PIK3CD: variants seen among roughly 807,000 people sequenced by gnomAD.
PIK3CD encodes the protein phosphatidylinositol 4,5-bisphosphate 3-kinase catalytic subunit delta isoform.
A neutral mutation model predicts 122.9 loss-of-function variants in PIK3CD; 20 were observed. That is an observed-to-expected ratio of 0.16 (90% confidence interval 0.11 to 0.24). The LOEUF is 0.24. Among genes scored for constraint, PIK3CD ranks in the 10% least tolerant of loss-of-function variants. The pLI, the probability that PIK3CD is intolerant of heterozygous loss-of-function variation, is 1.00. For synonymous variants in PIK3CD, 596 were observed against 593.4 expected (o/e 1.00, Z -0.06); for missense variants, 787 against 1,406.3 (o/e 0.56, Z 7.04).
Position 9,720,327 on chromosome 1 carries a change from C to T in PIK3CD, c.1470+85C>T. 3 of 1,502,202 alleles carry T rather than the reference C, an allele frequency of 2.0e-6. No homozygotes were observed. Among genetic ancestry groups the T allele is most frequent in the Non-Finnish European group, 2.7e-6 (3 of 1,115,880 alleles). 93.1% of individuals were successfully genotyped at this position (1,502,202 alleles called of 1,614,324 possible). A position where few individuals can be genotyped will look rare whatever the true frequency, so the allele number is the denominator to read the frequency against. On this transcript the variant is annotated intron_variant, in intron 11 of 23. Coordinates refer to ENST00000377346, the MANE Select transcript of PIK3CD (RefSeq NM_005026.5). This position sits in a 1 kb window ranked among gnomAD's most constrained non-coding sequence, Gnocchi z 9.0. The stretch of plus-strand genomic sequence containing the variant: ...CTCCTGGAGCTCTTCAGAGGGTGCT[C>T]CCTGGCCACGTCGGGGCTGGGCTAC...
intron 2 of PIK3CD, among the ~76,000 whole-genome samples, chr1:9,693,851 G>A (rs1352031702): frequency 6.6e-6 from 1 of 152,092 alleles, no homozygotes; most frequent in Non-Finnish European, 1.5e-5. Context: ...TGGGGGCTCT[G>A]GGGATGGAGT....
chr1:9,699,522 C>T (rs961119082), intron 2 of PIK3CD, among the ~76,000 whole-genome samples: 1 of 152,100 alleles, frequency 6.6e-6, no homozygotes, highest in Non-Finnish European at 1.5e-5. Context: ...TCAGACTCAC[C>T]GTCTCTCCCA....
At chr1:9,694,796 C>G (rs1646339014) in intron 2 of PIK3CD, among the ~76,000 whole-genome samples, 2 of 152,018 alleles carry the variant, frequency 1.3e-5, no homozygotes, top group Admixed American at 1.3e-4. Flanking sequence ...AATCCTCTCT[C>G]TACATAAAAT....
At position 9,686,784 on chromosome 1, in the gene PIK3CD, A is replaced by T. The variant is rs148274029; in HGVS notation, c.-137-4683A>T. Among the ~76,000 whole-genome samples the T allele has an allele frequency of 2.2e-3, 330 of 152,310 alleles. 1 individual carries two copies. The highest frequency in any genetic ancestry group is 7.6e-3 in the African/African-American group (318 of 41,580). ...AGAATCAGAGACTGGTTTTTCCTCC[A>T]TCTCTGCCACTAACTAGTTGTGCCA... On this transcript the variant is annotated intron_variant, in intron 1 of 23. Coordinates refer to ENST00000377346, the MANE Select transcript of PIK3CD (RefSeq NM_005026.5).
At chr1:9,705,454 C>T (rs779256733) in intron 2 of PIK3CD, among the ~76,000 whole-genome samples, 21 of 151,764 alleles carry the variant, frequency 1.4e-4, no homozygotes, top group Non-Finnish European at 2.9e-4. Flanking sequence ...GCTGTGATTG[C>T]GCCACTGCAC....
At position 9,727,273 on chromosome 1, in the gene PIK3CD, C is replaced by T. The variant is rs1270479565; in HGVS notation, c.*227C>T. The T allele has an allele frequency of 6.9e-6, 4 of 578,878 alleles. No individual in the cohort carries two copies. Among genetic ancestry groups the T allele is most frequent in the East Asian group, 3.0e-5 (1 of 33,444 alleles). The allele number at this position is 578,878 out of a possible 1,614,324, so 35.9% of individuals were successfully genotyped here. A position where few individuals can be genotyped will look rare whatever the true frequency, so the allele number is the denominator to read the frequency against. On this transcript the variant is annotated 3_prime_UTR_variant, in exon 24 of 24. Coordinates refer to ENST00000377346, the MANE Select transcript of PIK3CD (RefSeq NM_005026.5). ...CATGCAGCGGCGGTGCTGGGCCCCC[C>T]GAGGCTGCACCTGGCTCTCGGCTGA...
chr1:9,674,786 C>T (rs1367450521), intron 1 of PIK3CD, among the ~76,000 whole-genome samples: 1 of 151,768 alleles, frequency 6.6e-6, no homozygotes, highest in South Asian at 2.1e-4. Flanking sequence ...AATCCCAGCA[C>T]TTTGGAAGGC....
intron 23 of PIK3CD, among the ~76,000 whole-genome samples, chr1:9,726,699 C>T (rs1039086581): frequency 7.2e-5 from 11 of 151,986 alleles, no homozygotes; most frequent in African/African-American, 1.9e-4. Context: ...GTAGGGGAGG[C>T]GAGGTCACTT....
At chr1:9,690,143 C>T (rs552087387) in intron 1 of PIK3CD, among the ~76,000 whole-genome samples, 2 of 152,236 alleles carry the variant, frequency 1.3e-5, no homozygotes, top group East Asian at 3.9e-4. Context: ...CTATTCGGGA[C>T]GGAGCCTCCT....
intron 14 of PIK3CD, 80 bp downstream of exon 14, chr1:9,721,328 C>T (rs1302243636): frequency 7.5e-6 from 12 of 1,609,836 alleles, no homozygotes; most frequent in Admixed American, 1.7e-5. Context: ...CTGGGTGGGG[C>T]CTGAACCTTC....
chr1:9,641,810 C>T, the PIK3CD span, among the ~76,000 whole-genome samples: 4,035 of 152,316 alleles, frequency 0.026, 130 homozygotes, highest in African/African-American at 0.069. Context: ...GGCCACCTCT[C>T]AGCCCTCCTT....
At position 9,696,309 on chromosome 1, in the gene PIK3CD, A is replaced by G. The variant is rs114013438; in HGVS notation, c.-33+4738A>G. ...TTCTAAGGTAAGAAGTTAAAATTTG[A>G]CAGTGGGGTGGCTCGTGCCTGTAAT... On this transcript the variant is annotated intron_variant, in intron 2 of 23. Transcript: ENST00000377346. Among the ~76,000 whole-genome samples the G allele has an allele frequency of 5.4e-3, 829 of 152,176 alleles. 12 individuals are homozygous for G. Among genetic ancestry groups the G allele is most frequent in the African/African-American group, 0.019 (797 of 41,522 alleles).
upstream of PIK3CD, among the ~76,000 whole-genome samples, chr1:9,649,701 C>G (rs1644638555): frequency 6.6e-6 from 1 of 152,246 alleles, no homozygotes; most frequent in East Asian, 1.9e-4. Flanking sequence ...TGAAGAGGGT[C>G]CTTTAAGCCA....
intron 2 of PIK3CD, among the ~76,000 whole-genome samples, chr1:9,702,475 G>GTCCACT (rs907263299): frequency 1.1e-4 from 14 of 130,356 alleles, no homozygotes; most frequent in African/African-American, 4.1e-4. Context: ...TTAGAGGCAG[G>GTCCACT]TCCACTTCCA....
intron 1 of PIK3CD, among the ~76,000 whole-genome samples, chr1:9,658,000 T>C (rs867622364): frequency 1.3e-4 from 20 of 152,286 alleles, no homozygotes; most frequent in African/African-American, 4.6e-4. Context: ...AGTGGGGGCA[T>C]TGCTCTTTTC....
intron 1 of PIK3CD, chr1:9,653,389 C>G (rs368438903): frequency 2.2e-4 from 43 of 193,774 alleles, no homozygotes; most frequent in Middle Eastern, 5.3e-3. Flanking sequence ...AACGAAGGCT[C>G]AGAAAAGTTA....
chr1:9,723,921 C>A lies in PIK3CD; in HGVS notation c.2595-48C>A, dbSNP rs1345552971. ...GAGTAATAACCCACCTCTTGATAGG[C>A]GGAGCTGCAAAATGGTATGGCCATG... On this transcript the variant is annotated intron_variant, in intron 20 of 23. Transcript: ENST00000377346. The surrounding 1 kb of genome is among the most constrained non-coding windows in gnomAD (Gnocchi z 4.9). 6.3e-7 allele frequency: 1 copy of A among 1,578,502 alleles called. No individual in the cohort carries two copies. Among genetic ancestry groups the A allele is most frequent in the Non-Finnish European group, 8.7e-7 (1 of 1,148,394 alleles).
intron 1 of PIK3CD, among the ~76,000 whole-genome samples, chr1:9,669,242 C>T (rs972595083): frequency 5.3e-5 from 8 of 152,188 alleles, no homozygotes; most frequent in Non-Finnish European, 5.9e-5. Flanking sequence ...TATCATAGCT[C>T]ATTGCAGCCT....
At chr1:9,688,689 G>C (rs1274655513) in intron 1 of PIK3CD, among the ~76,000 whole-genome samples, 3 of 152,190 alleles carry the variant, frequency 2.0e-5, no homozygotes, top group Non-Finnish European at 2.9e-5. Flanking sequence ...TTAGCTGAGT[G>C]AGGTGGTGCG....
Sources: allele counts gnomAD v4.1 joint callset (sites outside exome capture counted in the v4.1 genomes callset), GRCh38; gene constraint gnomAD v4.1.1; non-coding constraint Gnocchi (gnomAD v3.1); transcripts MANE v1.5; gene names NCBI Gene and HGNC (gene_info 2026-07-23, HGNC 2026-07-21).